The following IGF2R variants were observed in gnomAD, a reference collection of about 807,000 sequenced individuals.
IGF2R encodes insulin like growth factor 2 receptor, also known as cation-independent mannose-6-phosphate receptor.
IGF2R carries 91 observed loss-of-function variants against 270.6 expected under a neutral mutation model. That is an observed-to-expected ratio of 0.34 (90% CI 0.28 to 0.40). IGF2R has a LOEUF of 0.40. IGF2R is among the 10% of genes least tolerant of loss of function. The pLI is 1.00. For missense variants in IGF2R, 2,805 were observed against 3,188.3 expected, an observed-to-expected ratio of 0.88 and a Z score of 2.90; for synonymous variants, 1,316 against 1,258.9, an observed-to-expected ratio of 1.05 and a Z score of -0.96.
intron 14 of IGF2R, 23 bp from the exon 15 acceptor site, chr6:160,046,475 T>G (rs755601488): frequency 6.3e-7 from 1 of 1,596,548 alleles, no homozygotes; most frequent in East Asian, 2.2e-5. Flanking sequence ...TTCCATACTT[T>G]TATTGTTTTT....
At position 160,029,671 on chromosome 6, in the gene IGF2R, C is replaced by G. The variant is rs1465492404; in HGVS notation, c.882+16C>G. 5.1e-6 allele frequency: 8 copies of G among 1,559,458 alleles called. No homozygotes were observed. The highest frequency in any genetic ancestry group is 6.2e-6 in the Non-Finnish European group (7 of 1,130,468). ...GCGGAGAGAGGTAAGTGACTCGTCT[C>G]CTGATCACTAATGTGGCGCACAGTA... is the stretch of plus-strand genomic sequence containing the variant. On this transcript the variant is annotated intron_variant, in intron 7 of 47. Transcript: ENST00000356956.
At position 160,084,412 on chromosome 6, in the gene IGF2R, C is replaced by T. The variant is rs1303571078; in HGVS notation, c.6068+228C>T. Among the ~76,000 whole-genome samples the T allele has an allele frequency of 6.6e-6, 1 of 152,122 alleles. No homozygotes were observed. On this transcript the variant is annotated intron_variant, in intron 40 of 47. Coordinates refer to ENST00000356956, the MANE Select transcript of IGF2R (RefSeq NM_000876.4). This position sits in a 1 kb window ranked among gnomAD's most constrained non-coding sequence, Gnocchi z 4.6. ...GGGCAGGAGCTTTGGTGACTGGAAA[C>T]GGAGCCTCTGGAGCTGGAAGAACCT... is the stretch of plus-strand genomic sequence containing the variant.
In IGF2R at chr6:159,986,402, T is replaced by TG. The variant is rs1583242972; in HGVS notation, c.150-4782_150-4781insG. Among the ~76,000 whole-genome samples, 26 of 131,966 alleles carry TG rather than the reference T, an allele frequency of 2.0e-4. 1 individual carries two copies. In the East Asian group the frequency reaches 2.8e-3, roughly 14 times the overall value. 86.6% of individuals were successfully genotyped at this position (131,966 alleles called of 152,430 possible). On this transcript the variant is annotated intron_variant, in intron 1 of 47. Coordinates refer to ENST00000356956, the MANE Select transcript of IGF2R (RefSeq NM_000876.4). ...GTGCGCGACCATGCCTGGCTAATTT[T>TG]TGTGTGTGTGTGTGTGTGTGTGTGT...
chr6:160,096,639 C>T lies in IGF2R; in HGVS notation c.6842+14C>T, dbSNP rs750950206. The T allele has an allele frequency of 7.5e-6, 12 of 1,597,224 alleles. No individual in the cohort carries two copies. The highest frequency in any genetic ancestry group is 4.5e-5 in the South Asian group (4 of 88,632). The stretch of plus-strand genomic sequence containing the variant: ...GTGTCCTCTGGGGTGAGTATGACAT[C>T]CGGAAGCTTAGCACTTGTACCCCAC... On this transcript the variant is annotated intron_variant, in intron 45 of 47. Transcript: ENST00000356956.
At chr6:160,032,075 T>G (rs1423463025) in intron 7 of IGF2R, among the ~76,000 whole-genome samples, 1 of 152,190 alleles carries the variant, frequency 6.6e-6, no homozygotes, top group Non-Finnish European at 1.5e-5. Context: ...GTGGACCGTG[T>G]CTCTGGTTGT....
chr6:160,049,631 A>G (rs183166260), intron 18 of IGF2R, among the ~76,000 whole-genome samples: 9 of 152,312 alleles, frequency 5.9e-5, no homozygotes, highest in African/African-American at 2.2e-4. Flanking sequence ...TTTCTTGCCT[A>G]GAATTCACAC....
At chr6:159,984,067 G>A (rs1783843732) in intron 1 of IGF2R, among the ~76,000 whole-genome samples, 1 of 152,220 alleles carries the variant, frequency 6.6e-6, no homozygotes, top group Non-Finnish European at 1.5e-5. Flanking sequence ...ATGATGTGAT[G>A]TGGTCTGAAT....
intron 1 of IGF2R, among the ~76,000 whole-genome samples, chr6:159,986,430 G>GTGTT (rs764032319): frequency 7.7e-5 from 9 of 116,880 alleles, no homozygotes; most frequent in Admixed American, 4.9e-4. Flanking sequence ...GTGTGTGTGT[G>GTGTT]TTTTTTTTTT....
chr6:160,027,467 C>T (rs1346724476), intron 6 of IGF2R, among the ~76,000 whole-genome samples, 153 bp downstream of exon 6: 2 of 152,246 alleles, frequency 1.3e-5, no homozygotes, highest in Non-Finnish European at 2.9e-5. Context: ...TTGGTCATTG[C>T]TGTGAGTCAC....
In IGF2R at chr6:160,058,142, C is replaced by T. The variant is rs1434809122; in HGVS notation, c.2898+18C>T. On this transcript the variant is annotated intron_variant, in intron 21 of 47. Coordinates refer to ENST00000356956, the MANE Select transcript of IGF2R (RefSeq NM_000876.4). Reference sequence around the variant, plus strand: ...TTTTTATGGTAAGAGCGATATGATGCATTTCCAGTTTGCTTTGAAACAGGG... The same window carrying T: ...TTTTTATGGTAAGAGCGATATGATGTATTTCCAGTTTGCTTTGAAACAGGG... 1.3e-6 allele frequency: 2 copies of T among 1,524,068 alleles called. No homozygotes were observed. The highest frequency in any genetic ancestry group is 1.4e-5 in the African/African-American group (1 of 73,188). The allele number at this position is 1,524,068 out of a possible 1,614,324, so 94.4% of individuals were successfully genotyped here.
intron 1 of IGF2R, among the ~76,000 whole-genome samples, chr6:159,987,527 G>A (rs1783906424): frequency 6.6e-6 from 1 of 152,152 alleles, no homozygotes; most frequent in African/African-American, 2.4e-5. Context: ...TAGTAGCTGG[G>A]ACTATAGGCG....
chr6:160,039,177 C>T (rs568722424), intron 10 of IGF2R, among the ~76,000 whole-genome samples: 151 of 152,340 alleles, frequency 9.9e-4, no homozygotes, highest in Non-Finnish European at 1.5e-3. Flanking sequence ...TAGCCTGCTG[C>T]ACACCTAAGC....
chr6:159,979,386 C>T (rs1411496104), intron 1 of IGF2R, among the ~76,000 whole-genome samples: 1 of 152,180 alleles, frequency 6.6e-6, no homozygotes, highest in East Asian at 1.9e-4. Flanking sequence ...TCCAGTGAGT[C>T]ACCCTCATTG....
chr6:160,103,271 A>G (rs1424043968), intron 46 of IGF2R, among the ~76,000 whole-genome samples: 5 of 151,850 alleles, frequency 3.3e-5, no homozygotes, highest in Admixed American at 6.6e-5. Flanking sequence ...CAGTGAGCCA[A>G]GATCTCACCA....
At chr6:160,096,264 C>A in intron 44 of IGF2R, 175 bp from the exon 45 acceptor site, 1 of 579,372 alleles carries the variant, frequency 1.7e-6, no homozygotes, top group East Asian at 2.9e-5. Flanking sequence ...AGGGCTCTAT[C>A]CATGTGCATC....
intron 12 of IGF2R, among the ~76,000 whole-genome samples, chr6:160,043,792 C>G (rs141525401): frequency 7.0e-4 from 107 of 152,322 alleles, no homozygotes; most frequent in Non-Finnish European, 1.3e-3. Flanking sequence ...GTATTTAGCA[C>G]TTCATTTTTG....
At chr6:160,060,333 G>A (rs1359342725) in intron 22 of IGF2R, among the ~76,000 whole-genome samples, 1 of 152,276 alleles carries the variant, frequency 6.6e-6, no homozygotes, top group East Asian at 1.9e-4. Flanking sequence ...CAGTGAGTGT[G>A]TAAACCTGTC....
At chr6:160,068,496 G>T in intron 30 of IGF2R, 111 bp downstream of exon 30, 2 of 1,516,434 alleles carry the variant, frequency 1.3e-6, no homozygotes, top group South Asian at 2.5e-5. Flanking sequence ...TGTATCACAG[G>T]CTGGCACTGG....
At chr6:160,100,628 C>G in intron 45 of IGF2R, among the ~76,000 whole-genome samples, 1 of 151,812 alleles carries the variant, frequency 6.6e-6, no homozygotes, top group Non-Finnish European at 1.5e-5. Flanking sequence ...AACACTGTTC[C>G]CTGCGTTGGG....
Sources: gnomAD v4.1 joint callset for allele counts (sites outside exome capture counted in the v4.1 genomes callset) on GRCh38, gnomAD v4.1.1 for gene constraint, Gnocchi (gnomAD v3.1) non-coding constraint, MANE v1.5 for transcripts, NCBI Gene and HGNC (gene_info 2026-07-23, HGNC 2026-07-21) for gene names.